The following GABRB3 variants were observed in gnomAD, a reference collection of about 807,000 sequenced individuals.
GABRB3 encodes the protein gamma-aminobutyric acid type A receptor subunit beta3, also known as gamma-aminobutyric acid receptor subunit beta-3.
GABRB3 carries 14 observed loss-of-function variants against 52.1 expected under a neutral mutation model. That is an observed-to-expected ratio of 0.27 (90% CI 0.18 to 0.42). GABRB3 has a LOEUF of 0.42. GABRB3 is among the 10% of genes least tolerant of loss of function. GABRB3 has a pLI of 1.00. For missense variants in GABRB3, 307 were observed against 609.1 expected (o/e 0.50, Z 5.22); for synonymous variants, 260 against 232.3 (o/e 1.12, Z -1.08).
chr15:26,666,109 A>G (rs985321552), intron 3 of GABRB3, among the ~76,000 whole-genome samples: 1 of 152,222 alleles, frequency 6.6e-6, no homozygotes, highest in Non-Finnish European at 1.5e-5. Flanking sequence ...GCATGCTTAC[A>G]TAAGTACACT....
At chr15:26,696,460 C>T (rs1888743839) in intron 3 of GABRB3, among the ~76,000 whole-genome samples, 1 of 152,062 alleles carries the variant, frequency 6.6e-6, no homozygotes, top group Non-Finnish European at 1.5e-5. Flanking sequence ...GATTGCACTC[C>T]AAACTTTGGG....
intron 4 of GABRB3, among the ~76,000 whole-genome samples, chr15:26,599,846 T>C (rs1447876273): frequency 6.6e-6 from 1 of 151,908 alleles, no homozygotes; most frequent in Non-Finnish European, 1.5e-5. Context: ...AATCGAGAAA[T>C]CATGACACCT....
chr15:26,633,889 T>C (rs1370353142), intron 3 of GABRB3, among the ~76,000 whole-genome samples: 1 of 152,254 alleles, frequency 6.6e-6, no homozygotes, highest in Non-Finnish European at 1.5e-5. Flanking sequence ...TGAAAGAACT[T>C]TGAGCGTTAG....
chr15:26,765,489 T>C (rs1159657059), intron 3 of GABRB3, among the ~76,000 whole-genome samples: 1 of 152,230 alleles, frequency 6.6e-6, no homozygotes, highest in African/African-American at 2.4e-5. Context: ...GTAAGATTCT[T>C]CTTTGTCCTG....
chr15:26,562,824 C>A (rs969482732), intron 7 of GABRB3, among the ~76,000 whole-genome samples: 1 of 118,626 alleles, frequency 8.4e-6, no homozygotes, highest in African/African-American at 3.3e-5. Flanking sequence ...AAGAAGAGAA[C>A]TGAAGACTTG....
At position 26,547,517 on chromosome 15, in the gene GABRB3, A is replaced by AT. The variant is rs1159765715; in HGVS notation, c.*275dup. 7.7e-6 allele frequency: 4 copies of AT among 522,308 alleles called. No individual in the cohort carries two copies. The highest frequency in any genetic ancestry group is 1.0e-5 in the Non-Finnish European group (3 of 298,780). The allele number at this position is 522,308 out of a possible 1,614,324, so 32.4% of individuals were successfully genotyped here. A position where few individuals can be genotyped will look rare whatever the true frequency, so the allele number is the denominator to read the frequency against. On this transcript the variant is annotated 3_prime_UTR_variant, in exon 9 of 9. Transcript: ENST00000311550. ...TTCTTTAATATGCATCCTGTGGTAA[A>AT]TTGTCCATAGCTGCAAAATGTATAT...
chr15:26,680,761 C>T (rs1390937940), intron 3 of GABRB3, among the ~76,000 whole-genome samples: 5 of 152,126 alleles, frequency 3.3e-5, no homozygotes, highest in East Asian at 1.9e-4. Flanking sequence ...TATTCAACAA[C>T]GTCATTAAGA....
chr15:26,773,138 G>T, upstream of GABRB3: 1 of 504,222 alleles, frequency 2.0e-6, no homozygotes, highest in Non-Finnish European at 2.6e-6. Flanking sequence ...GGAAGGAGGA[G>T]CGGGGAGGGA....
At chr15:26,648,932 G>A (rs1163464499) in intron 3 of GABRB3, among the ~76,000 whole-genome samples, 1 of 152,152 alleles carries the variant, frequency 6.6e-6, no homozygotes, top group African/African-American at 2.4e-5. Context: ...GGTGCCTGCA[G>A]AGTGGGTGGC....
intron 3 of GABRB3, among the ~76,000 whole-genome samples, chr15:26,665,479 G>A (rs1887681566): frequency 6.6e-6 from 1 of 152,220 alleles, no homozygotes; most frequent in Non-Finnish European, 1.5e-5. Context: ...CTTTTAAATA[G>A]CTGTAGTAAT....
intron 3 of GABRB3, among the ~76,000 whole-genome samples, chr15:26,663,105 T>G (rs1295486118): frequency 6.6e-6 from 1 of 152,102 alleles, no homozygotes; most frequent in Non-Finnish European, 1.5e-5. Context: ...TCTCATCACA[T>G]GTATAGGTTT....
At chr15:26,583,245 G>T in intron 5 of GABRB3, 87 bp downstream of exon 5, 2 of 1,056,966 alleles carry the variant, frequency 1.9e-6, no homozygotes, top group Non-Finnish European at 2.9e-6. Flanking sequence ...AAAAAATTAT[G>T]GATGCCTTGA....
At chr15:26,703,769 C>T (rs1025607405) in intron 3 of GABRB3, among the ~76,000 whole-genome samples, 6 of 152,186 alleles carry the variant, frequency 3.9e-5, no homozygotes, top group Admixed American at 6.5e-5. Context: ...CCAAAGGGGG[C>T]AAGCATTACA....
chr15:26,649,395 C>G (rs938056234), intron 3 of GABRB3, among the ~76,000 whole-genome samples: 3 of 152,190 alleles, frequency 2.0e-5, no homozygotes, highest in African/African-American at 7.2e-5. Flanking sequence ...AGACCGTAGT[C>G]CTCACCAGAC....
At chr15:26,764,648 G>A (rs759078794) in intron 3 of GABRB3, among the ~76,000 whole-genome samples, 1 of 152,174 alleles carries the variant, frequency 6.6e-6, no homozygotes, top group East Asian at 1.9e-4. Flanking sequence ...TGAGCAAATC[G>A]CCAAGAGACC....
At chr15:26,617,218 C>T (rs532458146) in intron 4 of GABRB3, among the ~76,000 whole-genome samples, 1 of 152,156 alleles carries the variant, frequency 6.6e-6, no homozygotes, top group Non-Finnish European at 1.5e-5. Context: ...GGAATCCTCC[C>T]TAACTCATTT....
intron 6 of GABRB3, among the ~76,000 whole-genome samples, chr15:26,578,865 C>G (rs145605700): frequency 6.6e-6 from 1 of 152,274 alleles, no homozygotes; most frequent in African/African-American, 2.4e-5. Flanking sequence ...GGCCAACGTT[C>G]TTGGTTGTGG....
chr15:26,735,728 C>T (rs1216445028), intron 3 of GABRB3, among the ~76,000 whole-genome samples: 5 of 152,022 alleles, frequency 3.3e-5, no homozygotes, highest in South Asian at 4.2e-4. Context: ...GCAAAAGGAT[C>T]GCTTGAGCCC....
chr15:26,554,161 G>GAGTATA (rs1555400842), intron 8 of GABRB3, among the ~76,000 whole-genome samples: 4 of 21,244 alleles, frequency 1.9e-4, no homozygotes, highest in African/African-American at 4.1e-4. Context: ...TATATATAAA[G>GAGTATA]TATATATATA....
Sources: allele counts gnomAD v4.1 joint callset (sites outside exome capture counted in the v4.1 genomes callset), GRCh38; gene constraint gnomAD v4.1.1; transcripts MANE v1.5; gene names NCBI Gene and HGNC (gene_info 2026-07-23, HGNC 2026-07-21).